Variants in UBAC1 observed in about 807,000 individuals in gnomAD.
UBAC1 encodes the protein UBA domain containing 1.
A neutral mutation model predicts 45.9 loss-of-function variants in UBAC1; 27 were observed. The ratio of observed to expected loss-of-function variants is 0.59; its 90% CI spans 0.43 to 0.81. UBAC1 has a LOEUF of 0.81. UBAC1 is among the 30% of genes least tolerant of loss of function. The pLI is 0.00. For synonymous variants in UBAC1, 227 were observed against 215.5 expected (o/e 1.05, Z -0.47); for missense variants, 529 against 539.2 (o/e 0.98, Z 0.19).
chr9:135,936,729 G>A (rs530268027), intron 9 of UBAC1, among the ~76,000 whole-genome samples: 19 of 152,144 alleles, frequency 1.2e-4, no homozygotes, highest in African/African-American at 2.9e-4. Flanking sequence ...TCCTGACCTC[G>A]TGATCCACCT....
intron 1 of UBAC1, among the ~76,000 whole-genome samples, chr9:135,960,021 A>T (rs1839512712): frequency 6.6e-6 from 1 of 152,234 alleles, no homozygotes; most frequent in South Asian, 2.1e-4. Context: ...ACTGTATGCG[A>T]GCAGCTACTA....
chr9:135,938,310 C>CT lies in UBAC1; in HGVS notation c.1013dup (p.Ile340HisfsTer14). The stretch of plus-strand genomic sequence containing the variant: ...AGAGAGGACTGTCGGGGTCGATGCC[C>CT]TTGTCCAGCTCCTCCGGAGAGGGCT... On this transcript the variant is annotated frameshift_variant, in exon 9 of 10. Coordinates refer to ENST00000371756, the MANE Select transcript of UBAC1 (RefSeq NM_016172.3). LOFTEE classifies it high-confidence loss of function. 1.2e-6 allele frequency: 2 copies of CT among 1,614,152 alleles called. No homozygotes were observed. Among genetic ancestry groups the CT allele is most frequent in the Non-Finnish European group, 1.7e-6 (2 of 1,180,032 alleles).
At position 135,961,026 on chromosome 9, in the gene UBAC1, T is replaced by C. The variant is rs751584109; in HGVS notation, c.137A>G (p.His46Arg). 6.4e-7 allele frequency: 1 copy of C among 1,558,832 alleles called. No individual in the cohort carries two copies. The highest frequency in any genetic ancestry group is 8.6e-7 in the Non-Finnish European group (1 of 1,158,002). The change falls in exon 1 of 10, where the codon CAC becomes CGC. Residue 46 changes from histidine (H) to arginine (R), a missense_variant and splice_region_variant. Physicochemically the swap from His to Arg is conservative, Grantham distance 29. Coordinates refer to ENST00000371756, the MANE Select transcript of UBAC1 (RefSeq NM_016172.3). ...VEKLKERCLK[H>R]CAHGSLEDPK... Reference sequence around the variant, plus strand: ...GCAGGGGAGGGGGCCCGGCCTTACGTGCTTGAGGCAGCGCTCCTTGAGCTT... The same window carrying C: ...GCAGGGGAGGGGGCCCGGCCTTACGCGCTTGAGGCAGCGCTCCTTGAGCTT...
At chr9:135,945,592 G>A in intron 6 of UBAC1, 2 of 529,362 alleles carry the variant, frequency 3.8e-6, no homozygotes, top group Non-Finnish European at 6.7e-6. Context: ...CAGAAGCAGG[G>A]CAAGTAACTC....
At chr9:135,937,699 G>C (rs10858185) in intron 9 of UBAC1, among the ~76,000 whole-genome samples, 1 of 152,150 alleles carries the variant, frequency 6.6e-6, no homozygotes, top group African/African-American at 2.4e-5. Flanking sequence ...CGGCCACACC[G>C]GAGGGAGGGA....
chr9:135,956,426 G>A (rs531036309), intron 1 of UBAC1, among the ~76,000 whole-genome samples: 12 of 152,296 alleles, frequency 7.9e-5, no homozygotes, highest in East Asian at 5.8e-4. Flanking sequence ...GGCTAGGCGC[G>A]TCGGCTCACC....
chr9:135,951,239 C>G (rs571681350), intron 3 of UBAC1, among the ~76,000 whole-genome samples: 1 of 152,140 alleles, frequency 6.6e-6, no homozygotes, highest in South Asian at 2.1e-4. Flanking sequence ...GCCACCGCAC[C>G]CAGCCAAGAC....
rs149026295 is a variant in UBAC1 at position 135,957,195 on chromosome 9, C to G, written c.139-1780G>C. Among the ~76,000 whole-genome samples the G allele has an allele frequency of 7.9e-3, 1,203 of 152,240 alleles. 11 individuals are homozygous for G. The highest frequency in any genetic ancestry group is 0.027 in the African/African-American group (1,131 of 41,528). ...AAAGGGATTGACGGCTTCAGGGGCT[C>G]ACTCCTTCACACAAAACTGGCCAGG... On this transcript the variant is annotated intron_variant, in intron 1 of 9. Coordinates refer to ENST00000371756, the MANE Select transcript of UBAC1 (RefSeq NM_016172.3).
intron 4 of UBAC1, 123 bp from the exon 5 acceptor site, chr9:135,946,494 A>G: frequency 1.4e-6 from 1 of 692,410 alleles, no homozygotes; most frequent in South Asian, 1.7e-5. Flanking sequence ...CTTTCTTGCA[A>G]GACAGCAGGA....
At chr9:135,944,342 G>A (rs1839301190) in intron 7 of UBAC1, among the ~76,000 whole-genome samples, 1 of 152,188 alleles carries the variant, frequency 6.6e-6, no homozygotes, top group African/African-American at 2.4e-5. Context: ...CCGCAGGTGA[G>A]GCCACAGCAC....
At position 135,947,802 on chromosome 9, in the gene UBAC1, C is replaced by G; in HGVS notation, c.437G>C (p.Arg146Thr). 6.2e-7 allele frequency: 1 copy of G among 1,613,374 alleles called. No individual in the cohort carries two copies. Among genetic ancestry groups the G allele is most frequent in the Non-Finnish European group, 8.5e-7 (1 of 1,179,734 alleles). The part of the protein sequence containing the change: ...MDRAAVQTNM[R>T]DFQTELRKIL... ...CCGCTCTGGGCTGACACTCACGTCT[C>G]TCATGTTGGTCTGGACCGCGGCCCG... is the stretch of plus-strand genomic sequence containing the variant. Residue 146 changes from arginine (R) to threonine (T), a missense_variant, in exon 4 of 10, where the codon AGA (arginine) becomes ACA (threonine). Physicochemically the swap from Arg to Thr is moderately conservative, Grantham distance 71. Transcript: ENST00000371756.
intron 6 of UBAC1, 173 bp downstream of exon 6, chr9:135,945,716 A>G (rs1316744973): frequency 1.7e-6 from 1 of 603,970 alleles, no homozygotes; most frequent in Non-Finnish European, 2.9e-6. Flanking sequence ...GTTCTGTCAC[A>G]TTCACCCCAA....
intron 1 of UBAC1, among the ~76,000 whole-genome samples, chr9:135,957,772 CT>C (rs56142900): frequency 0.54 from 72,760 of 135,666 alleles, 19,065 homozygotes; most frequent in Admixed American, 0.57. Flanking sequence ...TGAACTCCTT[CT>C]TTTTTTTTTT....
chr9:135,938,375 G>A lies in UBAC1; in HGVS notation c.964-15C>T. ...AGCCACTCGCACTGCAAAGCCAAGA[G>A]CACCAATACCACTGTTAGCGCCTTC... On this transcript the variant is annotated splice_polypyrimidine_tract_variant and intron_variant, in intron 8 of 9. Transcript: ENST00000371756. 2 of 1,611,898 alleles carry A rather than the reference G, an allele frequency of 1.2e-6. No homozygotes were observed. Among genetic ancestry groups the A allele is most frequent in the Non-Finnish European group, 1.7e-6 (2 of 1,179,596 alleles).
chr9:135,944,012 C>A (rs188585867), intron 7 of UBAC1, among the ~76,000 whole-genome samples: 4 of 152,296 alleles, frequency 2.6e-5, no homozygotes, highest in Admixed American at 6.5e-5. Context: ...ATAGCTAGTG[C>A]ATGCTGGGCT....
intron 2 of UBAC1, chr9:135,954,003 G>C: frequency 4.5e-6 from 1 of 224,400 alleles, no homozygotes; most frequent in South Asian, 6.9e-5. Flanking sequence ...GCCAGGCGTG[G>C]TGGCGCATGC....
chr9:135,940,263 A>G (rs531071830), intron 7 of UBAC1, among the ~76,000 whole-genome samples: 42 of 145,556 alleles, frequency 2.9e-4, no homozygotes, highest in African/African-American at 8.9e-4. Context: ...AAAAGGTTTT[A>G]TTCAGATTTT....
intron 4 of UBAC1, among the ~76,000 whole-genome samples, chr9:135,946,733 C>T (rs1249108526): frequency 6.6e-6 from 1 of 152,268 alleles, no homozygotes; most frequent in Non-Finnish European, 1.5e-5. Flanking sequence ...GGCTCCACCC[C>T]CATGAGTCTG....
Position 135,939,712 on chromosome 9 carries a change from T to C in UBAC1, c.924A>G (p.Ile308Met). The C allele has an allele frequency of 6.2e-7, 1 of 1,614,120 alleles. No homozygotes were observed. Among genetic ancestry groups the C allele is most frequent in the South Asian group, 1.1e-5 (1 of 91,092 alleles). The stretch of plus-strand genomic sequence containing the variant: ...GGTTGTTGTTCACTCTGAGGGCATC[T>C]ATCACCTCTTTCTCGTCGAACCCCA... ...MEMGFDEKEVIDALRVNNNQQ... is the reference protein window; with the variant it reads ...MEMGFDEKEVMDALRVNNNQQ... The change falls in exon 8 of 10, where the codon ATA becomes ATG. Residue 308 changes from isoleucine (I) to methionine (M), a missense_variant. By Grantham distance (10) the Ile-to-Met change is conservative. Coordinates refer to ENST00000371756, the MANE Select transcript of UBAC1 (RefSeq NM_016172.3).
Sources: gnomAD v4.1 joint callset for allele counts (sites outside exome capture counted in the v4.1 genomes callset) on GRCh38, gnomAD v4.1.1 for gene constraint, MANE v1.5 for transcripts, NCBI Gene and HGNC (gene_info 2026-07-23, HGNC 2026-07-21) for gene names.